Variants in ZNF519 observed in about 807,000 individuals in gnomAD.
The protein encoded by ZNF519 is zinc finger protein 519.
In ZNF519, 7 loss-of-function variants were observed where a neutral mutation model predicts 7.4. The ratio of observed to expected loss-of-function variants is 0.94; its 90% confidence interval spans 0.54 to 1.77. The LOEUF (loss-of-function observed/expected upper bound fraction) is 1.77, where lower values mean the gene tolerates loss of function less well. Ranked by LOEUF, ZNF519 falls within the 40% of genes most tolerant of loss-of-function variation. The pLI, the probability that ZNF519 is intolerant of heterozygous loss-of-function variation, is 0.00. For synonymous variants in ZNF519, 179 were observed against 203.3 expected, an observed-to-expected ratio of 0.88 and a Z score of 1.02; for missense variants, 586 against 623.1, an observed-to-expected ratio of 0.94 and a Z score of 0.63.
In ZNF519 at chr18:14,104,435, AGACATGTGAATGAT is replaced by A. The variant is rs138244856; in HGVS notation, c.*468_*481del. On this transcript the variant is annotated 3_prime_UTR_variant, in exon 3 of 3. Transcript: ENST00000590202. The stretch of plus-strand genomic sequence containing the variant: ...TGGGAAACTTGTGAATGACGTCATG[AGACATGTGAATGAT>A]GACATGTGAATGAGACATGTGAATG... The A allele has an allele frequency of 0.022, 3,360 of 153,768 alleles. 127 individuals carry two copies. The highest frequency in any genetic ancestry group is 0.074 in the African/African-American group (3,078 of 41,548). The allele number at this position is 153,768 out of a possible 1,614,324, so 9.5% of individuals were successfully genotyped here.
chr18:14,118,224 A>G (rs893583166), intron 2 of ZNF519, among the ~76,000 whole-genome samples: 1 of 151,830 alleles, frequency 6.6e-6, no homozygotes, highest in East Asian at 1.9e-4. Context: ...ACGCCCAGCT[A>G]ATTTTTTTTA....
intron 2 of ZNF519, among the ~76,000 whole-genome samples, chr18:14,085,739 T>C (rs1413102713): frequency 2.0e-5 from 3 of 152,018 alleles, no homozygotes; most frequent in Non-Finnish European, 4.4e-5. Context: ...GATCCCAGTG[T>C]TGGGCCCAGC....
intron 2 of ZNF519, among the ~76,000 whole-genome samples, chr18:14,106,974 G>A (rs2046196480): frequency 7.0e-6 from 1 of 143,632 alleles, no homozygotes; most frequent in Admixed American, 7.2e-5. Flanking sequence ...AAGCCTCATC[G>A]ACATAGTCTA....
rs1180480885 is a variant in ZNF519, at chr18:14,105,227, C to A, written c.1313G>T (p.Gly438Val). ...GEKHFKCKEC[G>V]KAFNRGSHLT... is the part of the protein sequence containing the mutation. The stretch of plus-strand genomic sequence containing the variant: ...GTGTGAGCCCCTGTTAAAGGCTTTG[C>A]CACATTCTTTACATTTGAAGTGTTT... The change falls in exon 3 of 3, where the codon GGC (glycine) becomes GTC (valine). Residue 438 changes from glycine to valine, a missense_variant. Gly to Val is a moderately radical substitution (Grantham distance 109). Transcript: ENST00000590202. 1 of 1,571,430 alleles carries A rather than the reference C, an allele frequency of 6.4e-7. No homozygotes were observed. The highest frequency in any genetic ancestry group is 1.7e-5 in the Admixed American group (1 of 58,674).
chr18:14,105,861 G>T lies in ZNF519; in HGVS notation c.679C>A (p.His227Asn). ...CTCTCTCCAATATAAATTCTTTGAT[G>T]TTGAGTAAGCTTTGAGAATGGGTCA... The part of the protein sequence containing the change: ...TSDPFSKLTQ[H>N]QRIYIGESSQ... Residue 227 changes from histidine (H) to asparagine (N), a missense_variant, in exon 3 of 3, where the codon CAT becomes AAT. Transcript: ENST00000590202. The T allele has an allele frequency of 1.2e-6, 2 of 1,601,934 alleles. No homozygotes were observed. Among genetic ancestry groups the T allele is most frequent in the Non-Finnish European group, 1.7e-6 (2 of 1,176,768 alleles).
chr18:14,106,588 G>A lies in ZNF519; in HGVS notation c.131-179C>T. ...GCTCCAGTGATCATTTCCCCTGCAA[G>A]GTCACCAATTTTACAATGATCTATT... On this transcript the variant is annotated intron_variant, in intron 2 of 2. Coordinates refer to ENST00000590202, the MANE Select transcript of ZNF519 (RefSeq NM_145287.4). 8.9e-6 allele frequency: 4 copies of A among 449,950 alleles called. No individual in the cohort carries two copies. The South Asian group carries it at 2.2e-4, about 25-fold the overall frequency. The allele number at this position is 449,950 out of a possible 1,614,324, so 27.9% of individuals were successfully genotyped here. A position where few individuals can be genotyped will look rare whatever the true frequency, so the allele number is the denominator to read the frequency against.
At chr18:14,114,204 A>G (rs964448789) in intron 2 of ZNF519, among the ~76,000 whole-genome samples, 3 of 152,148 alleles carry the variant, frequency 2.0e-5, no homozygotes, top group African/African-American at 7.2e-5. Flanking sequence ...TATTCAAGAC[A>G]TCTTTACCCC....
intron 2 of ZNF519, among the ~76,000 whole-genome samples, chr18:14,088,366 A>G (rs1567940118): frequency 6.6e-6 from 1 of 152,206 alleles, no homozygotes; most frequent in African/African-American, 2.4e-5. Context: ...CCCCTGATCA[A>G]TAACAAAACA....
Position 14,122,817 on chromosome 18 carries a change from A to G in ZNF519, c.130+1533T>C, listed in dbSNP as rs551331054. Among the ~76,000 whole-genome samples, 4 of 151,814 alleles carry G rather than the reference A, an allele frequency of 2.6e-5. No individual in the cohort carries two copies. The East Asian group carries it at 7.8e-4, about 29-fold the overall frequency. On this transcript the variant is annotated intron_variant, in intron 2 of 2. Coordinates refer to ENST00000590202, the MANE Select transcript of ZNF519 (RefSeq NM_145287.4). Reference sequence around the variant, plus strand: ...TATTATACTTTAAGTTCTAGGGTGCATGTGCACAACATGCAGGTTTGTTAC... The same window carrying G: ...TATTATACTTTAAGTTCTAGGGTGCGTGTGCACAACATGCAGGTTTGTTAC...
chr18:14,117,599 C>T (rs1024869138), intron 2 of ZNF519, among the ~76,000 whole-genome samples: 1 of 152,090 alleles, frequency 6.6e-6, no homozygotes, highest in African/African-American at 2.4e-5. Flanking sequence ...GCTATAAATA[C>T]CTGAGACTGG....
chr18:14,088,194 T>C (rs147999212), intron 2 of ZNF519, among the ~76,000 whole-genome samples: 92 of 152,332 alleles, frequency 6.0e-4, no homozygotes, highest in Non-Finnish European at 1.1e-3. Context: ...TGTTTGCCTC[T>C]AGCATGTTTA....
In ZNF519 at chr18:14,105,388, G is replaced by A. The variant is rs2046184165; in HGVS notation, c.1152C>T (p.Ala384=). The A allele has an allele frequency of 1.2e-6, 2 of 1,611,900 alleles. No individual in the cohort carries two copies. The highest frequency in any genetic ancestry group is 1.7e-6 in the Non-Finnish European group (2 of 1,179,592). ...KPFRCKECGK[A]FNRSSYVTQH... ...GAGTAACGTATGAGCTTCTATTAAA[G>A]GCTTTGCCACATTCCTTACATCTGA... The change falls in exon 3 of 3, where the codon GCC becomes GCT. Residue 384 remains alanine (A), a synonymous_variant. Coordinates refer to ENST00000590202, the MANE Select transcript of ZNF519 (RefSeq NM_145287.4).
chr18:14,119,647 G>A (rs1487363569), intron 2 of ZNF519, among the ~76,000 whole-genome samples: 1 of 151,872 alleles, frequency 6.6e-6, no homozygotes, highest in East Asian at 1.9e-4. Flanking sequence ...TTTGAGACAG[G>A]GTGTCACTCT....
At chr18:14,090,129 T>G (rs561511901) in intron 2 of ZNF519, 1 of 152,196 alleles carries the variant, frequency 6.6e-6, no homozygotes, top group Non-Finnish European at 1.5e-5. Flanking sequence ...GGTCCCTTAT[T>G]TTTATTGAGA....
rs34240654 is a variant in ZNF519, at chr18:14,111,169, T to TAA, written c.131-4762_131-4761dup. Among the ~76,000 whole-genome samples the TAA allele has an allele frequency of 9.2e-3, 839 of 90,750 alleles. 5 individuals are homozygous for TAA. The highest frequency in any genetic ancestry group is 0.014 in the Non-Finnish European group (637 of 45,788). The allele number at this position is 90,750 out of a possible 152,430, so 59.5% of individuals were successfully genotyped here. ...GTCAATAAAATGCAAAGTTGTTTTC[T>TAA]AAAAAAAAAAAAAAAAAAACCTTTA... On this transcript the variant is annotated intron_variant, in intron 2 of 2. Coordinates refer to ENST00000590202, the MANE Select transcript of ZNF519 (RefSeq NM_145287.4).
rs1169633232 is a variant in ZNF519 at position 14,104,440 on chromosome 18, T to C, written c.*477A>G. On this transcript the variant is annotated 3_prime_UTR_variant, in exon 3 of 3. Transcript: ENST00000590202. ...AACTTGTGAATGACGTCATGAGACA[T>C]GTGAATGATGACATGTGAATGAGAC... 6.8e-6 allele frequency: 1 copy of C among 147,346 alleles called. No homozygotes were observed. The highest frequency in any genetic ancestry group is 1.9e-4 in the East Asian group (1 of 5,198). 9.1% of individuals were successfully genotyped at this position (147,346 alleles called of 1,614,324 possible). A position where few individuals can be genotyped will look rare whatever the true frequency, so the allele number is the denominator to read the frequency against.
At position 14,106,079 on chromosome 18, in the gene ZNF519, AAGAC is replaced by A; in HGVS notation, c.457_460del (p.Val153PhefsTer7). On this transcript the variant is annotated frameshift_variant, in exon 3 of 3. Transcript: ENST00000590202. LOFTEE classifies it low-confidence loss of function (END_TRUNC). ...AAAATTTATCTGATTTTTATTACAAAAGACAGATTTCAAAAATTTATGTTGATAT... is the reference window on the plus strand; with the variant it reads ...AAAATTTATCTGATTTTTATTACAAAAGATTTCAAAAATTTATGTTGATAT... 1.2e-6 allele frequency: 2 copies of A among 1,604,380 alleles called. No homozygotes were observed. Among genetic ancestry groups the A allele is most frequent in the Non-Finnish European group, 1.7e-6 (2 of 1,176,640 alleles).
At chr18:14,085,159 T>A (rs548265782) in intron 2 of ZNF519, 6 of 152,304 alleles carry the variant, frequency 3.9e-5, no homozygotes, top group Admixed American at 3.9e-4. Context: ...CTGGGCTGAC[T>A]TGGCATACAC....
rs1332405518 is a variant in ZNF519 at position 14,103,354 on chromosome 18, C to T, written c.*1563G>A. 3 of 151,818 alleles carry T rather than the reference C, an allele frequency of 2.0e-5. No individual in the cohort carries two copies. Among genetic ancestry groups the T allele is most frequent in the Non-Finnish European group, 4.4e-5 (3 of 67,938 alleles). 9.4% of individuals were successfully genotyped at this position (151,818 alleles called of 1,614,324 possible). On this transcript the variant is annotated 3_prime_UTR_variant, in exon 3 of 3. Transcript: ENST00000590202. Reference sequence around the variant, plus strand: ...GATCAAAATAATCCAAAGTATTTTCCCTGACTTTAGTAAAAGGAAATTAAA... The same window carrying T: ...GATCAAAATAATCCAAAGTATTTTCTCTGACTTTAGTAAAAGGAAATTAAA...
Sources: gnomAD v4.1 joint callset for allele counts (sites outside exome capture counted in the v4.1 genomes callset) on GRCh38, gnomAD v4.1.1 for gene constraint, MANE v1.5 for transcripts, NCBI Gene and HGNC (gene_info 2026-07-23, HGNC 2026-07-21) for gene names.